The following SLCO1B3 variants were observed in gnomAD, a reference collection of about 807,000 sequenced individuals.
SLCO1B3 encodes liver-specific organic anion transporter 2.
A neutral mutation model predicts 71.8 loss-of-function variants in SLCO1B3; 72 were observed. The observed-to-expected ratio is 1.00, with a 90% CI of 0.83 to 1.22. The LOEUF (loss-of-function observed/expected upper bound fraction) is 1.22. Ranked by LOEUF, SLCO1B3 falls within the 50% of genes most tolerant of loss-of-function variation. SLCO1B3 has a pLI of 0.00. For missense variants in SLCO1B3, 911 were observed against 819.7 expected (o/e 1.11, Z -1.36); for synonymous variants, 298 against 278.4 (o/e 1.07, Z -0.70).
At position 20,829,180 on chromosome 12, in the gene SLCO1B3, A is replaced by G. The variant is rs369660629; in HGVS notation, c.84+13358A>G. 1.1e-3 allele frequency among the ~76,000 whole-genome samples: 163 copies of G among 152,352 alleles called. 4 individuals are homozygous for G. In the South Asian group the frequency reaches 0.033, roughly 31 times the overall value. Reference sequence around the variant, plus strand: ...AGTCAAACAAACAGACAATTGTACAATTTATAGGATCGCTGAGTGATCTAA... The same window carrying G: ...AGTCAAACAAACAGACAATTGTACAGTTTATAGGATCGCTGAGTGATCTAA... On this transcript the variant is annotated intron_variant, in intron 3 of 15. Transcript: ENST00000381545.
chr12:20,827,371 C>G (rs777728732), intron 3 of SLCO1B3, among the ~76,000 whole-genome samples: 8 of 152,086 alleles, frequency 5.3e-5, no homozygotes, highest in Non-Finnish European at 1.2e-4. Context: ...GCTTTTCTGT[C>G]TTCTGTTTTT....
At chr12:20,826,230 C>CT (rs35183047) in intron 3 of SLCO1B3, among the ~76,000 whole-genome samples, 121,153 of 150,720 alleles carry the variant, frequency 0.8, 48,935 homozygotes, top group East Asian at 0.96. Flanking sequence ...TAAGGTAAAA[C>CT]TTTTTTTTTA....
chr12:20,901,498 G>A (rs776765451), intron 15 of SLCO1B3, 31 bp downstream of exon 15: 1 of 1,176,094 alleles, frequency 8.5e-7, no homozygotes, highest in Non-Finnish European at 1.2e-6. Context: ...TTCATTAATA[G>A]ATTTTTTCTT....
At chr12:20,854,471 A>T (rs1227454710) in intron 3 of SLCO1B3, among the ~76,000 whole-genome samples, 1 of 152,082 alleles carries the variant, frequency 6.6e-6, no homozygotes, top group African/African-American at 2.4e-5. Flanking sequence ...CCTGAGACAG[A>T]TTTTGTCATA....
At chr12:20,826,569 A>G (rs1184886161) in intron 3 of SLCO1B3, among the ~76,000 whole-genome samples, 1 of 151,058 alleles carries the variant, frequency 6.6e-6, no homozygotes, top group Non-Finnish European at 1.5e-5. Context: ...TTTTTTACTC[A>G]TAAATCCTCT....
intron 2 of SLCO1B3, among the ~76,000 whole-genome samples, chr12:20,815,382 A>C (rs1408977475): frequency 6.6e-6 from 1 of 152,192 alleles, no homozygotes; most frequent in African/African-American, 2.4e-5. Context: ...TCTATAATTT[A>C]AAATTGTTGT....
At chr12:20,878,141 CCATAGG>C (rs1865620140) in intron 10 of SLCO1B3, among the ~76,000 whole-genome samples, 1 of 16,890 alleles carries the variant, frequency 5.9e-5, no homozygotes, top group African/African-American at 7.5e-5. Flanking sequence ...GAATTTAATT[CCATAGG>C]TGAAATTCAC....
rs537426580 is a variant in SLCO1B3 at position 20,879,335 on chromosome 12, T to C, written c.1136-101T>C. The C allele has an allele frequency of 7.0e-5, 55 of 781,690 alleles. No homozygotes were observed. The African/African-American group carries it at 8.6e-4, about 12-fold the overall frequency. The allele number at this position is 781,690 out of a possible 1,614,324, so 48.4% of individuals were successfully genotyped here. A position where few individuals can be genotyped will look rare whatever the true frequency, so the allele number is the denominator to read the frequency against. On this transcript the variant is annotated intron_variant, in intron 10 of 15. Coordinates refer to ENST00000381545, the MANE Select transcript of SLCO1B3 (RefSeq NM_019844.4). ...CACCCTTCTCTTAAAGAAATAAGAA[T>C]GGGTGAATTTGGTTGATATACACTG...
chr12:20,841,606 A>G (rs117005939), intron 3 of SLCO1B3, among the ~76,000 whole-genome samples: 5,485 of 152,206 alleles, frequency 0.036, 151 homozygotes, highest in Non-Finnish European at 0.048. Context: ...CAGGGGGTAC[A>G]TATGCAGGTT....
intron 11 of SLCO1B3, among the ~76,000 whole-genome samples, 171 bp from the exon 12 acceptor site, chr12:20,880,684 C>A (rs1299401524): frequency 2.0e-5 from 3 of 152,048 alleles, no homozygotes; most frequent in African/African-American, 7.2e-5. Context: ...ATCAGCAAAT[C>A]AAATTTCTCT....
chr12:20,860,931 AAAGG>A, intron 5 of SLCO1B3, 82 bp from the exon 6 acceptor site: 1 of 1,339,814 alleles, frequency 7.5e-7, no homozygotes, highest in Non-Finnish European at 1.0e-6. Context: ...CGGTTCAAAT[AAAGG>A]AGAAAATTTC....
chr12:20,845,767 T>G (rs1864904648), intron 3 of SLCO1B3, among the ~76,000 whole-genome samples: 1 of 152,160 alleles, frequency 6.6e-6, no homozygotes, highest in Admixed American at 6.5e-5. Flanking sequence ...AGTACATTGT[T>G]TTTGTTGACT....
At chr12:20,881,118 A>G in intron 12 of SLCO1B3, 98 bp downstream of exon 12, 2 of 837,870 alleles carry the variant, frequency 2.4e-6, no homozygotes, top group Non-Finnish European at 3.6e-6. Context: ...AAGGTCTCCA[A>G]TAAAAAGATA....
chr12:20,849,841 C>T (rs1196344007), intron 3 of SLCO1B3, among the ~76,000 whole-genome samples: 1 of 150,872 alleles, frequency 6.6e-6, no homozygotes. Context: ...TATATAGGAA[C>T]AAATTTAAAC....
At chr12:20,867,964 CTCT>C (rs1296607049) in intron 8 of SLCO1B3, among the ~76,000 whole-genome samples, 1 of 152,166 alleles carries the variant, frequency 6.6e-6, no homozygotes, top group Non-Finnish European at 1.5e-5. Context: ...CTTCCTCCTC[CTCT>C]ACCTGTTCAA....
At chr12:20,871,897 A>T (rs1239699644) in intron 8 of SLCO1B3, among the ~76,000 whole-genome samples, 1 of 152,010 alleles carries the variant, frequency 6.6e-6, no homozygotes, top group East Asian at 1.9e-4. Context: ...CATCTATGTT[A>T]ACTCAAGATC....
chr12:20,814,896 CA>C (rs11286357), intron 2 of SLCO1B3, among the ~76,000 whole-genome samples: 137,685 of 139,724 alleles, frequency 0.99, 67,832 homozygotes, highest in Middle Eastern at 1. Flanking sequence ...GACTCCGTCT[CA>C]AAAAAAAAAA....
intron 3 of SLCO1B3, among the ~76,000 whole-genome samples, chr12:20,835,765 C>T (rs907765389): frequency 6.6e-6 from 1 of 152,262 alleles, no homozygotes; most frequent in African/African-American, 2.4e-5. Flanking sequence ...CAAACTTTCC[C>T]ACATTTTCTT....
chr12:20,819,879 G>A (rs1427319654), intron 3 of SLCO1B3, among the ~76,000 whole-genome samples: 2 of 152,068 alleles, frequency 1.3e-5, no homozygotes, highest in Non-Finnish European at 2.9e-5. Flanking sequence ...TACAAGAAGA[G>A]GATGCAAAGG....
Sources: gnomAD v4.1 joint callset for allele counts (sites outside exome capture counted in the v4.1 genomes callset) on GRCh38, gnomAD v4.1.1 for gene constraint, MANE v1.5 for transcripts, NCBI Gene and HGNC (gene_info 2026-07-23, HGNC 2026-07-21) for gene names.